The following CTIF variants were observed in gnomAD, a reference collection of about 807,000 sequenced individuals.
CTIF encodes the protein cap binding complex dependent translation initiation factor.
Under a neutral mutation model 66.0 loss-of-function variants are expected in CTIF, and 21 were observed. The ratio of observed to expected loss-of-function variants is 0.32; its 90% CI spans 0.23 to 0.46. The LOEUF is 0.46. CTIF is among the 20% of genes least tolerant of loss of function. The pLI is 1.00. For missense variants in CTIF, 739 were observed against 812.7 expected, an observed-to-expected ratio of 0.91 and a Z score of 1.10; for synonymous variants, 345 against 326.4, an observed-to-expected ratio of 1.06 and a Z score of -0.62.
At chr18:48,733,855 C>G (rs769645535) in intron 7 of CTIF, among the ~76,000 whole-genome samples, 2 of 152,202 alleles carry the variant, frequency 1.3e-5, no homozygotes, top group Non-Finnish European at 2.9e-5. Context: ...CCCTGGAAAT[C>G]ATAACTAAGC....
chr18:48,748,602 CAG>C (rs1473520363), intron 7 of CTIF, among the ~76,000 whole-genome samples: 1 of 152,138 alleles, frequency 6.6e-6, no homozygotes. Context: ...GATAAGATAA[CAG>C]AGGGGCAGAG....
At chr18:48,696,522 A>T (rs2092011555) in intron 6 of CTIF, among the ~76,000 whole-genome samples, 1 of 152,094 alleles carries the variant, frequency 6.6e-6, no homozygotes. Flanking sequence ...CACCGCTCTT[A>T]GTCTGTCTGG....
intron 1 of CTIF, among the ~76,000 whole-genome samples, chr18:48,606,062 C>T (rs1268622947): frequency 6.6e-6 from 1 of 152,212 alleles, no homozygotes; most frequent in African/African-American, 2.4e-5. Flanking sequence ...TGTGGGAGGC[C>T]TCTGTAATCG....
At chr18:48,555,185 C>T (rs1175093549) in intron 1 of CTIF, among the ~76,000 whole-genome samples, 1 of 152,210 alleles carries the variant, frequency 6.6e-6, no homozygotes, top group Non-Finnish European at 1.5e-5. Context: ...TCACCTCCCT[C>T]CATCTGGACA....
intron 10 of CTIF, among the ~76,000 whole-genome samples, chr18:48,837,793 C>A (rs546670008): frequency 3.3e-4 from 50 of 152,120 alleles, no homozygotes; most frequent in Non-Finnish European, 6.3e-4. Flanking sequence ...TGGGAACTAC[C>A]CACTGGATGC....
chr18:48,641,749 G>A (rs946349686), intron 3 of CTIF, among the ~76,000 whole-genome samples: 6 of 152,148 alleles, frequency 3.9e-5, no homozygotes, highest in Non-Finnish European at 5.9e-5. Flanking sequence ...CTGTAACTCC[G>A]TGAAACACCC....
At chr18:48,681,409 C>A (rs9954456) in intron 6 of CTIF, among the ~76,000 whole-genome samples, 17,441 of 151,934 alleles carry the variant, frequency 0.11, 1,109 homozygotes, top group African/African-American at 0.14. Flanking sequence ...CAGAGTGGGG[C>A]CCCCAGCTGG....
chr18:48,795,526 A>G (rs1396945315), intron 9 of CTIF, among the ~76,000 whole-genome samples: 1 of 152,176 alleles, frequency 6.6e-6, no homozygotes, highest in East Asian at 1.9e-4. Context: ...CCCATTGGGG[A>G]AAAAAGTCAC....
Position 48,862,544 on chromosome 18 carries a change from A to AC in CTIF, c.*2989dup, listed in dbSNP as rs1283503917. 1.3e-5 allele frequency: 2 copies of AC among 152,158 alleles called. No homozygotes were observed. The highest frequency in any genetic ancestry group is 4.9e-5 in the African/African-American group (2 of 41,204). 9.4% of individuals were successfully genotyped at this position (152,158 alleles called of 1,614,324 possible). On this transcript the variant is annotated 3_prime_UTR_variant, in exon 12 of 12. Coordinates refer to ENST00000256413, the MANE Select transcript of CTIF (RefSeq NM_014772.3). ...CCCTCCACGGGATGTGCACCCTCAG[A>AC]CCCCATTCTCTCTGTTCGTCCTTCC... is the stretch of plus-strand genomic sequence containing the variant.
intron 6 of CTIF, among the ~76,000 whole-genome samples, chr18:48,684,025 A>C (rs1397848883): frequency 3.3e-5 from 5 of 152,224 alleles, no homozygotes; most frequent in Non-Finnish European, 7.3e-5. Context: ...GGTGGGATGG[A>C]CACTGCTGTG....
At chr18:48,651,380 G>A (rs2091153579) in intron 3 of CTIF, among the ~76,000 whole-genome samples, 1 of 152,116 alleles carries the variant, frequency 6.6e-6, no homozygotes, top group East Asian at 1.9e-4. Context: ...AACCAACAAA[G>A]ATCAAAAGAG....
chr18:48,832,926 G>C (rs909563172), intron 10 of CTIF, among the ~76,000 whole-genome samples: 2 of 152,242 alleles, frequency 1.3e-5, no homozygotes, highest in Admixed American at 6.5e-5. Flanking sequence ...GTCAGGAAGT[G>C]CTGAGTCTGG....
At chr18:48,731,227 C>G (rs1474673528) in intron 7 of CTIF, among the ~76,000 whole-genome samples, 1 of 152,134 alleles carries the variant, frequency 6.6e-6, no homozygotes, top group Non-Finnish European at 1.5e-5. Context: ...TCCTGCAGCA[C>G]CTTCTCTCAA....
intron 9 of CTIF, among the ~76,000 whole-genome samples, chr18:48,783,522 G>A (rs1300360170): frequency 6.6e-6 from 1 of 152,188 alleles, no homozygotes; most frequent in East Asian, 1.9e-4. Flanking sequence ...TGGATACCCA[G>A]CTCTCCTGGC....
At chr18:48,568,853 AAACCCACCCCCACGATTCAATT>A (rs973878983) in intron 1 of CTIF, among the ~76,000 whole-genome samples, 1 of 152,048 alleles carries the variant, frequency 6.6e-6, no homozygotes, top group African/African-American at 2.4e-5. Flanking sequence ...AGCACAGGAA[AAACCCACCCCCACGATTCAATT>A]ATCTCCCACC....
chr18:48,722,774 C>T (rs983713309), intron 7 of CTIF, among the ~76,000 whole-genome samples: 8 of 151,990 alleles, frequency 5.3e-5, no homozygotes, highest in East Asian at 1.9e-4. Flanking sequence ...CTGTGCCCAT[C>T]GGCGCTCACA....
chr18:48,855,714 G>A (rs1305643782), intron 10 of CTIF, among the ~76,000 whole-genome samples: 4 of 152,222 alleles, frequency 2.6e-5, no homozygotes, highest in African/African-American at 9.6e-5. Flanking sequence ...CTCCATGAGG[G>A]AAGCAACAAA....
intron 1 of CTIF, among the ~76,000 whole-genome samples, chr18:48,568,737 G>A (rs1474234297): frequency 6.7e-6 from 1 of 149,076 alleles, no homozygotes; most frequent in Non-Finnish European, 1.5e-5. Context: ...GGCAAAGGAT[G>A]AGCAAAGGCA....
chr18:48,543,192 G>A (rs2088663564), intron 1 of CTIF, among the ~76,000 whole-genome samples: 1 of 152,204 alleles, frequency 6.6e-6, no homozygotes, highest in Non-Finnish European at 1.5e-5. Flanking sequence ...AGGTCATGAA[G>A]GAGGAGGCAG....
Sources: allele counts gnomAD v4.1 joint callset (sites outside exome capture counted in the v4.1 genomes callset), GRCh38; gene constraint gnomAD v4.1.1; transcripts MANE v1.5; gene names NCBI Gene and HGNC (gene_info 2026-07-23, HGNC 2026-07-21).